The following KAT7 variants were observed in gnomAD, a reference collection of about 807,000 sequenced individuals.
KAT7 encodes the protein histone acetyltransferase KAT7.
KAT7 carries 10 observed loss-of-function variants against 82.1 expected under a neutral mutation model. The observed-to-expected ratio is 0.12, with a 90% confidence interval of 0.08 to 0.21. The LOEUF (loss-of-function observed/expected upper bound fraction) is 0.21, where lower values mean the gene tolerates loss of function less well. Among genes scored for constraint, KAT7 ranks in the 10% least tolerant of loss-of-function variants. The pLI is 1.00. For missense variants in KAT7, 378 were observed against 760.9 expected, an observed-to-expected ratio of 0.50 and a Z score of 5.92; for synonymous variants, 250 against 262.5, an observed-to-expected ratio of 0.95 and a Z score of 0.46.
intron 2 of KAT7, among the ~76,000 whole-genome samples, chr17:49,792,960 C>T (rs903855267): frequency 2.3e-4 from 35 of 151,980 alleles, no homozygotes; most frequent in Non-Finnish European, 3.1e-4. Context: ...TACAGGTGCA[C>T]GCCACCATGC....
Position 49,833,021 on chromosome 17 carries a change from A to G in KAT7, c.*5519A>G, listed in dbSNP as rs988859488. ...TGTGTGGTATCTGCAACAAAATCCC[A>G]ATGAATGTCACCAAGAAGGAAACAA... On this transcript the variant is annotated 3_prime_UTR_variant, in exon 15 of 15. Coordinates refer to ENST00000259021, the MANE Select transcript of KAT7 (RefSeq NM_007067.5). 2.6e-5 allele frequency: 4 copies of G among 152,164 alleles called. No homozygotes were observed. Among genetic ancestry groups the G allele is most frequent in the East Asian group, 1.9e-4 (1 of 5,198 alleles). The allele number at this position is 152,164 out of a possible 1,614,324, so 9.4% of individuals were successfully genotyped here. A position where few individuals can be genotyped will look rare whatever the true frequency, so the allele number is the denominator to read the frequency against.
intron 13 of KAT7, 36 bp downstream of exon 13, chr17:49,826,182 C>T (rs772489995): frequency 6.3e-7 from 1 of 1,598,002 alleles, no homozygotes; most frequent in Non-Finnish European, 8.6e-7. Flanking sequence ...TTGATTGTTA[C>T]CCAAGAAGTT....
chr17:49,803,282 T>A (rs574592021), intron 4 of KAT7, among the ~76,000 whole-genome samples: 1 of 151,156 alleles, frequency 6.6e-6, no homozygotes, highest in South Asian at 2.1e-4. Flanking sequence ...CTAATTTTTA[T>A]ATTTTTTTAA....
intron 2 of KAT7, among the ~76,000 whole-genome samples, chr17:49,795,008 AT>A (rs1298860336): frequency 3.5e-3 from 511 of 145,160 alleles, no homozygotes; most frequent in Middle Eastern, 3.5e-3. Flanking sequence ...ATTTCTTCAG[AT>A]TTTTTTTTTT....
At chr17:49,792,465 A>G (rs1448877121) in intron 2 of KAT7, among the ~76,000 whole-genome samples, 2 of 152,098 alleles carry the variant, frequency 1.3e-5, no homozygotes, top group African/African-American at 4.8e-5. Flanking sequence ...CAGTGGTGCT[A>G]AAACAATATG....
chr17:49,789,029 C>A (rs1479968489), intron 1 of KAT7, 180 bp downstream of exon 1: 2 of 479,614 alleles, frequency 4.2e-6, no homozygotes, highest in South Asian at 5.0e-5. Context: ...CTGGCCTCGG[C>A]CTATGCTTGC....
chr17:49,814,578 G>T (rs1195247303), intron 7 of KAT7, among the ~76,000 whole-genome samples: 1 of 152,158 alleles, frequency 6.6e-6, no homozygotes, highest in African/African-American at 2.4e-5. Context: ...AATCATACAG[G>T]CAGAAAGAGT....
At chr17:49,807,128 A>G (rs558386983) in intron 5 of KAT7, among the ~76,000 whole-genome samples, 1 of 152,370 alleles carries the variant, frequency 6.6e-6, no homozygotes, top group Admixed American at 6.5e-5. Flanking sequence ...CTGAGGATTC[A>G]GTGAATAAAA....
intron 11 of KAT7, 117 bp downstream of exon 11, chr17:49,821,907 C>A: frequency 2.4e-6 from 2 of 845,396 alleles, no homozygotes; most frequent in Non-Finnish European, 1.9e-6. Context: ...GATGACACCC[C>A]TTCCTTAAAT....
At chr17:49,824,703 G>A (rs2074347782) in intron 12 of KAT7, 1 of 152,164 alleles carries the variant, frequency 6.6e-6, no homozygotes, top group Admixed American at 6.6e-5. Context: ...GATGAACTGG[G>A]AAGTGACATA....
At chr17:49,795,406 A>G in intron 2 of KAT7, 1 of 247,624 alleles carries the variant, frequency 4.0e-6, no homozygotes, top group Non-Finnish European at 8.5e-6. Flanking sequence ...GAAGTGCTGG[A>G]CATCGGGCAG....
intron 6 of KAT7, among the ~76,000 whole-genome samples, chr17:49,811,108 C>CTT (rs1210334611): frequency 7.0e-6 from 1 of 143,444 alleles, no homozygotes; most frequent in Admixed American, 7.0e-5. Context: ...TTGGTACCTT[C>CTT]TTTTTTTTTT....
At chr17:49,820,627 ATGGC>A (rs914958430) in intron 9 of KAT7, among the ~76,000 whole-genome samples, 1 of 151,742 alleles carries the variant, frequency 6.6e-6, no homozygotes, top group African/African-American at 2.4e-5. Flanking sequence ...CTAACAGCAG[ATGGC>A]TGGCTGGCTG....
Position 49,796,934 on chromosome 17 carries a change from G to T in KAT7, c.340+8G>T. ...TTGATTTTTCAGATAGAGGTGAGTG[G>T]GTATGGTATGACTTAGACCTATTAC... On this transcript the variant is annotated splice_region_variant and intron_variant, in intron 3 of 14. Transcript: ENST00000259021. 6.2e-7 allele frequency: 1 copy of T among 1,613,276 alleles called. No individual in the cohort carries two copies.
rs534831991 is a variant in KAT7, at chr17:49,816,275, A to G, written c.963+362A>G. ...TCATCTCTGTTGTTTTCTTAATCCC[A>G]ACAGGAACTCCCCTTTTGCTAGGTT... On this transcript the variant is annotated intron_variant, in intron 8 of 14. Transcript: ENST00000259021. Among the ~76,000 whole-genome samples the G allele has an allele frequency of 2.0e-5, 3 of 152,316 alleles. No individual in the cohort carries two copies. In the South Asian group the frequency reaches 6.2e-4, roughly 32 times the overall value.
chr17:49,812,634 C>T (rs1014019752), intron 7 of KAT7, among the ~76,000 whole-genome samples: 4 of 152,070 alleles, frequency 2.6e-5, no homozygotes, highest in African/African-American at 9.7e-5. Flanking sequence ...AAAAAATTGT[C>T]CTTCAAGATA....
chr17:49,822,457 C>T (rs1285818845), intron 11 of KAT7, among the ~76,000 whole-genome samples: 1 of 152,148 alleles, frequency 6.6e-6, no homozygotes, highest in Non-Finnish European at 1.5e-5. Flanking sequence ...TCTCGAACTC[C>T]TGACCTCAAG....
chr17:49,804,866 G>A (rs2074072328), intron 4 of KAT7, among the ~76,000 whole-genome samples: 1 of 152,172 alleles, frequency 6.6e-6, no homozygotes, highest in Non-Finnish European at 1.5e-5. Context: ...TTAAAGTTAT[G>A]TAAGTATGTT....
Position 49,823,500 on chromosome 17 carries a change from T to A in KAT7, c.1480+205T>A, listed in dbSNP as rs531811906. The stretch of plus-strand genomic sequence containing the variant: ...CATTGAAGGAGTACAGGACTCCTCC[T>A]TAATGAGTAGGAGGTACAGAGGATG... On this transcript the variant is annotated intron_variant, in intron 12 of 14. Transcript: ENST00000259021. The A allele has an allele frequency of 4.0e-5, 20 of 504,974 alleles. No homozygotes were observed. In the South Asian group the frequency reaches 4.3e-4, roughly 11 times the overall value. 31.3% of individuals were successfully genotyped at this position (504,974 alleles called of 1,614,324 possible).
Sources: allele counts gnomAD v4.1 joint callset (sites outside exome capture counted in the v4.1 genomes callset), GRCh38; gene constraint gnomAD v4.1.1; transcripts MANE v1.5; gene names NCBI Gene and HGNC (gene_info 2026-07-23, HGNC 2026-07-21).